Variants in IL1RAPL2 observed in about 807,000 individuals in gnomAD.
IL1RAPL2 encodes X-linked interleukin-1 receptor accessory protein-like 2.
In IL1RAPL2, 3 loss-of-function variants were observed where a neutral mutation model predicts 44.1. That is an observed-to-expected ratio of 0.07 (90% confidence interval 0.03 to 0.18). The LOEUF (loss-of-function observed/expected upper bound fraction) is 0.18. IL1RAPL2 is among the 10% of genes least tolerant of loss of function. The probability of loss-of-function intolerance (pLI) is 1.00; values close to 1 mark genes in which losing one functional copy is unlikely to be tolerated. For synonymous variants in IL1RAPL2, 181 were observed against 178.8 expected, an observed-to-expected ratio of 1.01 and a Z score of -0.10; for missense variants, 391 against 496.4, an observed-to-expected ratio of 0.79 and a Z score of 2.02.
chrX:104,749,689 G>A (rs1262441941), intron 2 of IL1RAPL2, among the ~76,000 whole-genome samples: 1 of 111,342 alleles, frequency 9.0e-6, no homozygotes, highest in Admixed American at 9.6e-5. Flanking sequence ...TTGAGCTTTT[G>A]GGTGAAATTG....
At chrX:105,508,756 T>C (rs2036449326) in intron 6 of IL1RAPL2, among the ~76,000 whole-genome samples, 1 of 110,963 alleles carries the variant, frequency 9.0e-6, no homozygotes, top group Non-Finnish European at 1.9e-5. Flanking sequence ...GCCTTATGCA[T>C]TGATCAAGCA....
At chrX:104,792,416 G>A (rs1414606991) in intron 2 of IL1RAPL2, among the ~76,000 whole-genome samples, 1 of 110,374 alleles carries the variant, frequency 9.1e-6, no homozygotes, top group Non-Finnish European at 1.9e-5. Flanking sequence ...GGTGGAGATC[G>A]GGGCATGAGG....
intron 6 of IL1RAPL2, among the ~76,000 whole-genome samples, chrX:105,504,318 C>T (rs1381701011): frequency 9.0e-6 from 1 of 111,671 alleles, no homozygotes; most frequent in Non-Finnish European, 1.9e-5. Flanking sequence ...TTACCAAGTG[C>T]AAGAGAGGAA....
chrX:105,058,788 T>A (rs1331708304), intron 2 of IL1RAPL2, among the ~76,000 whole-genome samples: 1 of 111,241 alleles, frequency 9.0e-6, no homozygotes, highest in African/African-American at 3.3e-5. Context: ...AGGAAAAAAA[T>A]TTTCTGTTAA....
chrX:104,927,427 A>G (rs1924798867), intron 2 of IL1RAPL2, among the ~76,000 whole-genome samples: 1 of 111,694 alleles, frequency 9.0e-6, no homozygotes, highest in Non-Finnish European at 1.9e-5. Context: ...ATGAACATTT[A>G]TATTGCCCAA....
chrX:104,975,073 G>T (rs2030307847), intron 2 of IL1RAPL2, among the ~76,000 whole-genome samples: 1 of 111,045 alleles, frequency 9.0e-6, no homozygotes, highest in East Asian at 2.8e-4. Flanking sequence ...CATCTCTTTT[G>T]CCCTGTCCCT....
At chrX:104,981,529 A>C (rs866526427) in intron 2 of IL1RAPL2, among the ~76,000 whole-genome samples, 11 of 110,777 alleles carry the variant, frequency 9.9e-5, no homozygotes, top group Non-Finnish European at 7.6e-5. Context: ...TCTCTGAAGA[A>C]AGTTTGATTT....
intron 2 of IL1RAPL2, among the ~76,000 whole-genome samples, chrX:104,958,598 C>A (rs2029945940): frequency 9.8e-6 from 1 of 101,675 alleles, no homozygotes; most frequent in Non-Finnish European, 2.0e-5. Context: ...AAAAAGAACC[C>A]CTCTAGTAGC....
intron 6 of IL1RAPL2, among the ~76,000 whole-genome samples, chrX:105,502,347 C>T (rs1436273624): frequency 1.8e-5 from 2 of 111,564 alleles, no homozygotes; most frequent in African/African-American, 6.5e-5. Flanking sequence ...GAACTATACA[C>T]TATTATGGCT....
chrX:105,432,810 G>A (rs1003404927), intron 5 of IL1RAPL2, among the ~76,000 whole-genome samples: 2 of 110,704 alleles, frequency 1.8e-5, no homozygotes, highest in Non-Finnish European at 3.8e-5. Flanking sequence ...CATACCCAGG[G>A]AACCCATTGC....
intron 5 of IL1RAPL2, among the ~76,000 whole-genome samples, chrX:105,353,196 C>T (rs1372776444): frequency 1.8e-5 from 2 of 111,509 alleles, no homozygotes; most frequent in African/African-American, 6.5e-5. Flanking sequence ...GAATCCTTTC[C>T]CCATTTCTTG....
intron 6 of IL1RAPL2, among the ~76,000 whole-genome samples, chrX:105,597,183 A>G (rs1260058646): frequency 1.8e-5 from 2 of 112,113 alleles, no homozygotes; most frequent in Non-Finnish European, 3.8e-5. Context: ...CAAAGAAGAC[A>G]TAAAAATGGG....
At chrX:105,254,550 A>G (rs1414591257) in intron 4 of IL1RAPL2, among the ~76,000 whole-genome samples, 1 of 111,806 alleles carries the variant, frequency 8.9e-6, no homozygotes, top group African/African-American at 3.2e-5. Context: ...AGAAGTTCTT[A>G]AGTTTAATTA....
Position 104,761,982 on chromosome X carries a change from TTCCTCC to T in IL1RAPL2, c.82+102996_82+103001del, listed in dbSNP as rs1207359656. On this transcript the variant is annotated intron_variant, in intron 2 of 10. Transcript: ENST00000372582. Reference sequence around the variant, plus strand: ...CTTCTTCTTCTTCTTCTTCTTCTTCTTCCTCCTCCTCCTCTTCTTCTTCTTCTTTTT... The same window carrying T: ...CTTCTTCTTCTTCTTCTTCTTCTTCTTCCTCCTCTTCTTCTTCTTCTTTTT... Among the ~76,000 whole-genome samples the T allele has an allele frequency of 3.5e-5, 3 of 85,505 alleles. No individual in the cohort carries two copies. The East Asian group carries it at 1.2e-3, about 35-fold the overall frequency. The allele number at this position is 85,505 out of a possible 115,157, so 74.3% of individuals were successfully genotyped here. A position where few individuals can be genotyped will look rare whatever the true frequency, so the allele number is the denominator to read the frequency against.
intron 2 of IL1RAPL2, among the ~76,000 whole-genome samples, chrX:104,694,906 C>A (rs1931152213): frequency 8.9e-6 from 1 of 112,275 alleles, no homozygotes; most frequent in Admixed American, 9.4e-5. Context: ...TATTAAAAAT[C>A]TTGAAAGCTT....
At chrX:104,705,702 A>G (rs779741074) in intron 2 of IL1RAPL2, among the ~76,000 whole-genome samples, 17 of 111,368 alleles carry the variant, frequency 1.5e-4, no homozygotes, top group Non-Finnish European at 2.8e-4. Context: ...GTTTCCTGAG[A>G]CCCGATAGCC....
At chrX:105,735,501 G>A (rs6622001) in intron 7 of IL1RAPL2, among the ~76,000 whole-genome samples, 12 of 110,947 alleles carry the variant, frequency 1.1e-4, no homozygotes, top group East Asian at 5.7e-4. Flanking sequence ...TTATAACCTC[G>A]ACTCTGAAAC....
intron 1 of IL1RAPL2, among the ~76,000 whole-genome samples, chrX:104,651,464 C>T (rs1217201973): frequency 9.0e-6 from 1 of 111,727 alleles, no homozygotes; most frequent in Non-Finnish European, 1.9e-5. Context: ...AGGGCTTTCT[C>T]AAATCAACTT....
At position 105,080,316 on chromosome X, in the gene IL1RAPL2, T is replaced by C. The variant is rs193284342; in HGVS notation, c.83-115159T>C. On this transcript the variant is annotated intron_variant, in intron 2 of 10. Transcript: ENST00000372582. Reference sequence around the variant, plus strand: ...GCCCATGCCAATGTCCTGAATGTTATTGCCTAGGTTTTCTTCTAGGGTATT... The same window carrying C: ...GCCCATGCCAATGTCCTGAATGTTACTGCCTAGGTTTTCTTCTAGGGTATT... 1.4e-4 allele frequency among the ~76,000 whole-genome samples: 16 copies of C among 112,354 alleles called. No individual in the cohort carries two copies. The East Asian group carries it at 4.2e-3, about 30-fold the overall frequency.
Sources: gnomAD v4.1 joint callset for allele counts (sites outside exome capture counted in the v4.1 genomes callset) on GRCh38, gnomAD v4.1.1 for gene constraint, MANE v1.5 for transcripts, NCBI Gene and HGNC (gene_info 2026-07-23, HGNC 2026-07-21) for gene names.